PARG: variants seen among roughly 807,000 people sequenced by gnomAD.
The protein encoded by PARG is mitochondrial poly(ADP-ribose) glycohydrolase.
In PARG, 35 loss-of-function variants were observed where a neutral mutation model predicts 113.0. The ratio of observed to expected loss-of-function variants is 0.31; its 90% CI spans 0.24 to 0.41. The LOEUF (loss-of-function observed/expected upper bound fraction) is 0.41, where lower values mean the gene tolerates loss of function less well. PARG is among the 10% of genes least tolerant of loss of function. The pLI, the probability that PARG is intolerant of heterozygous loss-of-function variation, is 1.00. For missense variants in PARG, 797 were observed against 1,169.4 expected, an observed-to-expected ratio of 0.68 and a Z score of 4.64; for synonymous variants, 330 against 409.9, an observed-to-expected ratio of 0.81 and a Z score of 2.36.
intron 16 of PARG, among the ~76,000 whole-genome samples, chr10:49,828,317 G>C (rs1844476449): frequency 1.3e-5 from 2 of 152,140 alleles, no homozygotes; most frequent in Admixed American, 1.3e-4. Context: ...CAAATGGGTA[G>C]GAATAAATCA....
In PARG at chr10:49,837,984, T is replaced by C. The variant is rs12240725; in HGVS notation, c.2541+3966A>G. 4.0e-3 allele frequency among the ~76,000 whole-genome samples: 603 copies of C among 152,212 alleles called. 3 individuals carry two copies. The highest frequency in any genetic ancestry group is 0.014 in the African/African-American group (586 of 41,538). ...ACAGGTACCTTGCTCACAGCAGAAG[T>C]TTATGATCACAAAAGAAGAGTGATT... On this transcript the variant is annotated intron_variant, in intron 15 of 17. Coordinates refer to ENST00000616448, the MANE Select transcript of PARG (RefSeq NM_003631.5).
At chr10:49,937,783 C>A (rs1361044985) in intron 1 of PARG, among the ~76,000 whole-genome samples, 4 of 152,158 alleles carry the variant, frequency 2.6e-5, no homozygotes, top group African/African-American at 9.7e-5. Context: ...CTTCCTGAAG[C>A]CTGGGGAAGG....
chr10:49,914,447 C>T (rs1837355804), intron 7 of PARG, among the ~76,000 whole-genome samples: 1 of 152,144 alleles, frequency 6.6e-6, no homozygotes, highest in Non-Finnish European at 1.5e-5. Context: ...TTTATGCCTG[C>T]CTTGTAAAAG....
chr10:49,841,838 G>A lies in PARG; in HGVS notation c.2541+112C>T, dbSNP rs17010388. The A allele has an allele frequency of 5.6e-3, 3,868 of 688,452 alleles. 109 individuals are homozygous for A. The African/African-American group carries it at 0.059, about 10-fold the overall frequency. 42.6% of individuals were successfully genotyped at this position (688,452 alleles called of 1,614,324 possible). On this transcript the variant is annotated intron_variant, in intron 15 of 17. Coordinates refer to ENST00000616448, the MANE Select transcript of PARG (RefSeq NM_003631.5). Reference sequence around the variant, plus strand: ...GAGCCATTAAATCAGGAGAGCTGTGGGCAGACATACTGACACTGCAATAAT... The same window carrying A: ...GAGCCATTAAATCAGGAGAGCTGTGAGCAGACATACTGACACTGCAATAAT...
chr10:49,918,250 G>A (rs1331146620), intron 6 of PARG, among the ~76,000 whole-genome samples: 2 of 152,132 alleles, frequency 1.3e-5, no homozygotes, highest in Non-Finnish European at 2.9e-5. Flanking sequence ...CACTTTAAAA[G>A]GATAAACTTT....
chr10:49,896,521 G>T (rs552307807), intron 7 of PARG, among the ~76,000 whole-genome samples: 1 of 152,116 alleles, frequency 6.6e-6, no homozygotes, highest in Non-Finnish European at 1.5e-5. Flanking sequence ...CTAACCTCAG[G>T]TGATCCACCC....
Position 49,915,923 on chromosome 10 carries a change from C to G in PARG, c.1731G>C (p.Trp577Cys). 1 of 1,483,572 alleles carries G rather than the reference C, an allele frequency of 6.7e-7. No individual in the cohort carries two copies. 91.9% of individuals were successfully genotyped at this position (1,483,572 alleles called of 1,614,324 possible). A position where few individuals can be genotyped will look rare whatever the true frequency, so the allele number is the denominator to read the frequency against. Residue 577 changes from tryptophan (W) to cysteine (C), a missense_variant, in exon 7 of 18, where the codon TGG (tryptophan) becomes TGC (cysteine). Physicochemically the swap from Trp to Cys is radical, Grantham distance 215 (BLOSUM62 -2). Transcript: ENST00000616448. ...KWDFTALIDFWDKVLEEAEAQ... is the reference protein window; with the variant it reads ...KWDFTALIDFCDKVLEEAEAQ... ...GAAATAAGGATACTTTTACCTTATCCCAGAAATCGATCAAAGCTGTAAAGT... is the reference window on the plus strand; with the variant it reads ...GAAATAAGGATACTTTTACCTTATCGCAGAAATCGATCAAAGCTGTAAAGT...
chr10:49,862,996 T>G (rs1433196967), intron 11 of PARG, among the ~76,000 whole-genome samples: 4 of 150,434 alleles, frequency 2.7e-5, no homozygotes, highest in Non-Finnish European at 5.9e-5. Flanking sequence ...CTATTCTCCA[T>G]GACTGAAGCT....
In PARG at chr10:49,818,802, T is replaced by C. The variant is rs1174746185; in HGVS notation, c.*538A>G. 6.6e-6 allele frequency: 1 copy of C among 152,256 alleles called. No individual in the cohort carries two copies. Among genetic ancestry groups the C allele is most frequent in the African/African-American group, 2.4e-5 (1 of 41,456 alleles). 9.4% of individuals were successfully genotyped at this position (152,256 alleles called of 1,614,324 possible). On this transcript the variant is annotated 3_prime_UTR_variant, in exon 18 of 18. Coordinates refer to ENST00000616448, the MANE Select transcript of PARG (RefSeq NM_003631.5). ...AAGAAACTATTTTAACCTAGGAGGT[T>C]TGCATTATGCAACACATATGAAAAA...
At chr10:49,883,922 T>C (rs1260300229) in intron 8 of PARG, among the ~76,000 whole-genome samples, 5 of 150,772 alleles carry the variant, frequency 3.3e-5, no homozygotes, top group East Asian at 2.0e-4. Context: ...AAATAGGTCA[T>C]AGAAGACACT....
chr10:49,828,590 G>A (rs1844490544), intron 16 of PARG, among the ~76,000 whole-genome samples: 1 of 152,228 alleles, frequency 6.6e-6, no homozygotes, highest in African/African-American at 2.4e-5. Context: ...CTCCTAGCCT[G>A]TGGCTCTTAG....
At chr10:49,894,250 C>T (rs1387657135) in intron 7 of PARG, among the ~76,000 whole-genome samples, 1 of 151,128 alleles carries the variant, frequency 6.6e-6, no homozygotes, top group African/African-American at 2.4e-5. Flanking sequence ...CTATGTTGCC[C>T]AGGTTGGCCT....
chr10:49,879,096 C>T lies in PARG; in HGVS notation c.1988+577G>A, dbSNP rs184612640. ...TACCTTCACACTGTATTAATTTAGTCGAGCAGTTTGAACATTCTTTTGTTT... is the reference window on the plus strand; with the variant it reads ...TACCTTCACACTGTATTAATTTAGTTGAGCAGTTTGAACATTCTTTTGTTT... On this transcript the variant is annotated intron_variant, in intron 9 of 17. Coordinates refer to ENST00000616448, the MANE Select transcript of PARG (RefSeq NM_003631.5). 4.8e-3 allele frequency among the ~76,000 whole-genome samples: 728 copies of T among 152,202 alleles called. 4 individuals carry two copies. Among genetic ancestry groups the T allele is most frequent in the Middle Eastern group, 0.017 (5 of 294 alleles).
intron 14 of PARG, 150 bp from the exon 15 acceptor site, chr10:49,842,208 G>A (rs1845278675): frequency 3.2e-6 from 2 of 616,202 alleles, no homozygotes; most frequent in Non-Finnish European, 5.8e-6. Context: ...GAAAGGAAAG[G>A]AAACACCCTT....
chr10:49,922,433 G>T lies in PARG; in HGVS notation c.1579-14C>A, dbSNP rs782751518. On this transcript the variant is annotated splice_polypyrimidine_tract_variant and intron_variant, in intron 5 of 17. Transcript: ENST00000616448. ...TCGCTCACCATTCTTTTGGAAAAAA[G>T]AAAAACATATGAGGAAGCTATTCTA... 1.2e-6 allele frequency: 2 copies of T among 1,609,106 alleles called. No individual in the cohort carries two copies. The highest frequency in any genetic ancestry group is 1.3e-5 in the African/African-American group (1 of 74,812).
chr10:49,922,122 T>A (rs1312921035), intron 6 of PARG, among the ~76,000 whole-genome samples: 3 of 152,200 alleles, frequency 2.0e-5, no homozygotes, highest in Admixed American at 2.0e-4. Context: ...TTCCTGGTTC[T>A]CCAAATTATT....
intron 12 of PARG, among the ~76,000 whole-genome samples, chr10:49,859,825 GTT>G (rs1694756204): frequency 6.6e-6 from 1 of 152,116 alleles, no homozygotes; most frequent in Non-Finnish European, 1.5e-5. Context: ...GAAAACCAAA[GTT>G]TTACTACTTA....
intron 13 of PARG, among the ~76,000 whole-genome samples, chr10:49,853,264 C>T (rs1379662067): frequency 6.6e-6 from 1 of 151,814 alleles, no homozygotes; most frequent in African/African-American, 2.4e-5. Flanking sequence ...TCTCAATCTC[C>T]TGACCTCATG....
At chr10:49,848,305 C>T (rs3931859) in intron 13 of PARG, among the ~76,000 whole-genome samples, 13,777 of 148,400 alleles carry the variant, frequency 0.093, 1,084 homozygotes, top group East Asian at 0.32. Flanking sequence ...GCTGAGATTG[C>T]GCCACTGCAC....
Sources: gnomAD v4.1 joint callset for allele counts (sites outside exome capture counted in the v4.1 genomes callset) on GRCh38, gnomAD v4.1.1 for gene constraint, MANE v1.5 for transcripts, NCBI Gene and HGNC (gene_info 2026-07-23, HGNC 2026-07-21) for gene names.